Variants in SDF4 observed in about 807,000 individuals in gnomAD.
The protein encoded by SDF4 is stromal cell derived factor 4.
A neutral mutation model predicts 34.2 loss-of-function variants in SDF4; 22 were observed. That is an observed-to-expected ratio of 0.64 (90% confidence interval 0.46 to 0.92). The LOEUF (loss-of-function observed/expected upper bound fraction) is 0.92, where lower values mean the gene tolerates loss of function less well. Among genes scored for constraint, SDF4 ranks in the 40% least tolerant of loss-of-function variants. The probability of loss-of-function intolerance (pLI) is 0.00; values close to 1 mark genes in which losing one functional copy is unlikely to be tolerated. For missense variants in SDF4, 447 were observed against 499.9 expected, an observed-to-expected ratio of 0.89 and a Z score of 1.01; for synonymous variants, 236 against 203.1, an observed-to-expected ratio of 1.16 and a Z score of -1.38.
In SDF4 at chr1:1,228,418, G is replaced by C. The variant is rs1430414559; in HGVS notation, c.305+50C>G. The C allele has an allele frequency of 2.6e-6, 4 of 1,528,726 alleles. No individual in the cohort carries two copies. In the South Asian group the frequency reaches 5.1e-5, roughly 20 times the overall value. The allele number at this position is 1,528,726 out of a possible 1,614,324, so 94.7% of individuals were successfully genotyped here. A position where few individuals can be genotyped will look rare whatever the true frequency, so the allele number is the denominator to read the frequency against. On this transcript the variant is annotated intron_variant, in intron 2 of 6. Coordinates refer to ENST00000360001, the MANE Select transcript of SDF4 (RefSeq NM_016176.6). Reference sequence around the variant, plus strand: ...CGCAAAGCCAGGATAGGAACACACAGGCGAGCGCACGCGGACAGCCCCCCA... The same window carrying C: ...CGCAAAGCCAGGATAGGAACACACACGCGAGCGCACGCGGACAGCCCCCCA...
chr1:1,219,143 G>C (rs1649739762), intron 4 of SDF4: 1 of 1,451,646 alleles, frequency 6.9e-7, no homozygotes, highest in South Asian at 1.3e-5. Context: ...CCACAGGCCT[G>C]ATCCCCAAAG....
intron 4 of SDF4, chr1:1,219,805 C>G: frequency 1.0e-6 from 1 of 985,906 alleles, no homozygotes; most frequent in South Asian, 4.7e-5. Flanking sequence ...CACACTCAGC[C>G]CCCTGCACGT....
At chr1:1,230,735 AG>A (rs1375492306) in intron 1 of SDF4, among the ~76,000 whole-genome samples, 3 of 152,234 alleles carry the variant, frequency 2.0e-5, no homozygotes, top group Admixed American at 6.5e-5. Context: ...CTGGGACTAT[AG>A]GCGTGAGCCA....
chr1:1,219,206 C>CCA (rs1553149338), intron 4 of SDF4: 1 of 1,258,184 alleles, frequency 7.9e-7, no homozygotes, highest in Non-Finnish European at 1.0e-6. Flanking sequence ...AGCCTGGACC[C>CCA]CCCCCTGCCC....
chr1:1,225,841 G>A (rs542034499), intron 2 of SDF4, among the ~76,000 whole-genome samples: 5 of 152,356 alleles, frequency 3.3e-5, no homozygotes, highest in Middle Eastern at 3.4e-3. Flanking sequence ...AAGGTGGAAA[G>A]AAACCACATG....
At position 1,218,076 on chromosome 1, in the gene SDF4, G is replaced by C. The variant is rs1164407196; in HGVS notation, c.891+382C>G. 6.6e-6 allele frequency among the ~76,000 whole-genome samples: 1 copy of C among 152,250 alleles called. No individual in the cohort carries two copies. The highest frequency in any genetic ancestry group is 1.5e-5 in the Non-Finnish European group (1 of 68,046). The stretch of plus-strand genomic sequence containing the variant: ...ACCAGTGAAAACGCTTCAGAGGAAG[G>C]TGGTAAATTCCAGCCATGTGGCACA... On this transcript the variant is annotated intron_variant, in intron 6 of 6. Transcript: ENST00000360001. The surrounding 1 kb of genome is among the most constrained non-coding windows in gnomAD (Gnocchi z 7.9).
intron 4 of SDF4, chr1:1,219,984 T>C (rs1291753642): frequency 3.9e-5 from 38 of 985,554 alleles, no homozygotes; most frequent in Non-Finnish European, 4.5e-5. Context: ...GGGGCTGTGG[T>C]TCCTGGGGCA....
intron 4 of SDF4, among the ~76,000 whole-genome samples, chr1:1,222,208 A>C (rs953759502): frequency 2.6e-5 from 4 of 152,182 alleles, no homozygotes; most frequent in Non-Finnish European, 5.9e-5. Flanking sequence ...CACGGGCATG[A>C]CCGGGAAGGG....
Position 1,228,858 on chromosome 1 carries a change from G to A in SDF4, c.-86C>T. On this transcript the variant is annotated 5_prime_UTR_variant, in exon 2 of 7. Coordinates refer to ENST00000360001, the MANE Select transcript of SDF4 (RefSeq NM_016176.6). ...CAGGGGCAGGGGCAGAGGAGGAAGT[G>A]AGGTCCTGGCTCCAATCCAATCCCC... The A allele has an allele frequency of 1.5e-6, 2 of 1,295,770 alleles. No homozygotes were observed. Among genetic ancestry groups the A allele is most frequent in the Non-Finnish European group, 2.1e-6 (2 of 947,830 alleles). The allele number at this position is 1,295,770 out of a possible 1,614,324, so 80.3% of individuals were successfully genotyped here.
At chr1:1,231,489 T>A (rs1339405006) in intron 1 of SDF4, among the ~76,000 whole-genome samples, 1 of 152,242 alleles carries the variant, frequency 6.6e-6, no homozygotes, top group African/African-American at 2.4e-5. Flanking sequence ...CGACTTCACA[T>A]CTCCAAATCC....
chr1:1,230,184 G>A lies in SDF4; in HGVS notation c.-174-1238C>T, dbSNP rs553283944. Among the ~76,000 whole-genome samples the A allele has an allele frequency of 5.9e-5, 9 of 152,350 alleles. No homozygotes were observed. The East Asian group carries it at 1.7e-3, about 29-fold the overall frequency. On this transcript the variant is annotated intron_variant, in intron 1 of 6. Coordinates refer to ENST00000360001, the MANE Select transcript of SDF4 (RefSeq NM_016176.6). The stretch of plus-strand genomic sequence containing the variant: ...GCTGAGGCCCCGCCATGTCACAGCT[G>A]TTCCCTCAACACACATGGACTGAGA...
intron 2 of SDF4, among the ~76,000 whole-genome samples, chr1:1,224,340 C>T (rs759557769): frequency 3.9e-5 from 6 of 152,304 alleles, no homozygotes; most frequent in East Asian, 1.9e-4. Context: ...AGTGTGGTGG[C>T]GCAATCTTTG....
rs1445967964 is a variant in SDF4, at chr1:1,224,286, A to G, written c.306-318T>C. ...CCAAAAGTCACACTCTTCACGTTTT[A>G]TTTTATTTTTTGAGATGGAGTCTCA... On this transcript the variant is annotated intron_variant, in intron 2 of 6. Coordinates refer to ENST00000360001, the MANE Select transcript of SDF4 (RefSeq NM_016176.6). Among the ~76,000 whole-genome samples the G allele has an allele frequency of 3.1e-5, 4 of 129,734 alleles. No homozygotes were observed. The East Asian group carries it at 1.1e-3, about 37-fold the overall frequency. The allele number at this position is 129,734 out of a possible 152,430, so 85.1% of individuals were successfully genotyped here. A position where few individuals can be genotyped will look rare whatever the true frequency, so the allele number is the denominator to read the frequency against.
At chr1:1,222,131 C>T (rs1650001018) in intron 4 of SDF4, among the ~76,000 whole-genome samples, 1 of 152,238 alleles carries the variant, frequency 6.6e-6, no homozygotes, top group Admixed American at 6.5e-5. Flanking sequence ...AGAGAACCCA[C>T]CCCAGGATGC....
chr1:1,226,797 G>A (rs1464071563), intron 2 of SDF4, among the ~76,000 whole-genome samples: 15 of 152,154 alleles, frequency 9.9e-5, no homozygotes, highest in Non-Finnish European at 1.6e-4. Flanking sequence ...GAGACGCACC[G>A]AGCAGAAGCC....
chr1:1,219,222 C>T (rs1215127369), intron 4 of SDF4: 5 of 1,229,620 alleles, frequency 4.1e-6, no homozygotes, highest in African/African-American at 1.7e-5. Context: ...TGCCCCAGAC[C>T]CCCAATACAT....
chr1:1,219,604 G>A (rs1179399022), intron 4 of SDF4: 1 of 987,222 alleles, frequency 1.0e-6, no homozygotes, highest in Non-Finnish European at 1.2e-6. Context: ...TCCCAGCCGG[G>A]ACACGGCACT....
intron 3 of SDF4, 105 bp downstream of exon 3, chr1:1,223,727 G>A (rs114919826): frequency 0.099 from 109,110 of 1,101,276 alleles, 6,028 homozygotes; most frequent in East Asian, 0.17. Flanking sequence ...CTTCCCCACC[G>A]CCCGTCCCTC....
At position 1,223,802 on chromosome 1, in the gene SDF4, G is replaced by A. The variant is rs200092210; in HGVS notation, c.442+30C>T. ...CATGGCCCTGCCCGCCCCGCCCACC[G>A]CCCCACCCACCCCGGCCCAGCCACA... On this transcript the variant is annotated intron_variant, in intron 3 of 6. Coordinates refer to ENST00000360001, the MANE Select transcript of SDF4 (RefSeq NM_016176.6). 2.3e-4 allele frequency: 30 copies of A among 130,800 alleles called. 1 individual carries two copies. Among genetic ancestry groups the A allele is most frequent in the Admixed American group, 8.7e-4 (6 of 6,920 alleles). 8.1% of individuals were successfully genotyped at this position (130,800 alleles called of 1,614,324 possible). A position where few individuals can be genotyped will look rare whatever the true frequency, so the allele number is the denominator to read the frequency against.
Sources: allele counts gnomAD v4.1 joint callset (sites outside exome capture counted in the v4.1 genomes callset), GRCh38; gene constraint gnomAD v4.1.1; non-coding constraint Gnocchi (gnomAD v3.1); transcripts MANE v1.5; gene names NCBI Gene and HGNC (gene_info 2026-07-23, HGNC 2026-07-21).